Variants in ARL6 observed in about 807,000 individuals in gnomAD.
The protein encoded by ARL6 is ADP-ribosylation factor-like protein 6.
Under a neutral mutation model 27.1 loss-of-function variants are expected in ARL6, and 18 were observed. The observed-to-expected ratio is 0.66, with a 90% CI of 0.46 to 0.98. The LOEUF (loss-of-function observed/expected upper bound fraction) is 0.98, where lower values mean the gene tolerates loss of function less well. ARL6 is among the 50% of genes least tolerant of loss of function. ARL6 has a pLI of 0.00. For missense variants in ARL6, 187 were observed against 214.9 expected (o/e 0.87, Z 0.81); for synonymous variants, 65 against 72.3 (o/e 0.90, Z 0.51).
At chr3:97,791,005 C>T (rs1217654013) in intron 6 of ARL6, among the ~76,000 whole-genome samples, 2 of 152,018 alleles carry the variant, frequency 1.3e-5, no homozygotes, top group Non-Finnish European at 2.9e-5. Flanking sequence ...TTATCTGATC[C>T]TCTAAAAATC....
intron 5 of ARL6, among the ~76,000 whole-genome samples, chr3:97,785,723 C>A (rs552978396): frequency 9.6e-4 from 146 of 152,148 alleles, no homozygotes; most frequent in African/African-American, 3.3e-3. Context: ...TTTATTTAAT[C>A]ATTCACCTGT....
chr3:97,786,626 G>T (rs1403786434), intron 5 of ARL6, among the ~76,000 whole-genome samples: 1 of 152,024 alleles, frequency 6.6e-6, no homozygotes, highest in Non-Finnish European at 1.5e-5. Context: ...AAAAATTGAT[G>T]GCCATAAAAA....
chr3:97,787,212 A>T (rs1309826228), intron 5 of ARL6, among the ~76,000 whole-genome samples: 2 of 152,162 alleles, frequency 1.3e-5, no homozygotes, highest in East Asian at 3.8e-4. Context: ...AATATTCCAG[A>T]ACGGTTAAAA....
At chr3:97,786,722 G>C (rs1031326110) in intron 5 of ARL6, among the ~76,000 whole-genome samples, 24 of 152,034 alleles carry the variant, frequency 1.6e-4, no homozygotes, top group African/African-American at 5.6e-4. Flanking sequence ...ATAGCTACAG[G>C]GATATTTCTA....
In ARL6 at chr3:97,780,642, A is replaced by G; in HGVS notation, c.213A>G (p.Ser71=). ...SSLSFTVFDM[S]GQGRYRNLWE... is the part of the protein sequence containing the mutation. The stretch of plus-strand genomic sequence containing the variant: ...TGTCATTTACAGTGTTTGACATGTC[A>G]GGTCAAGGAAGATACAGAAATCTCT... The change falls in exon 4 of 8, where the codon TCA becomes TCG. Residue 71 remains serine (S), a synonymous_variant. Coordinates refer to ENST00000463745, the MANE Select transcript of ARL6 (RefSeq NM_001278293.3). 6.2e-7 allele frequency: 1 copy of G among 1,613,388 alleles called. No homozygotes were observed. The highest frequency in any genetic ancestry group is 8.5e-7 in the Non-Finnish European group (1 of 1,179,508).
intron 5 of ARL6, among the ~76,000 whole-genome samples, chr3:97,786,480 A>G (rs1428152175): frequency 6.6e-6 from 1 of 152,212 alleles, no homozygotes; most frequent in Non-Finnish European, 1.5e-5. Flanking sequence ...CCTATAAAAT[A>G]TACTTCAAAC....
At position 97,771,207 on chromosome 3, in the gene ARL6, T is replaced by G. The variant is rs553983197; in HGVS notation, c.123+2977T>G. On this transcript the variant is annotated intron_variant, in intron 2 of 7. Coordinates refer to ENST00000463745, the MANE Select transcript of ARL6 (RefSeq NM_001278293.3). The stretch of plus-strand genomic sequence containing the variant: ...CTCTTCAATTTCTTTTATCAATATT[T>G]TATAGTTTTAATTGTAGAGATCTTT... 2.6e-5 allele frequency among the ~76,000 whole-genome samples: 4 copies of G among 152,154 alleles called. No individual in the cohort carries two copies. The East Asian group carries it at 7.7e-4, about 29-fold the overall frequency.
chr3:97,764,869 G>A lies in ARL6; in HGVS notation c.-136G>A, dbSNP rs2036289276. 6.6e-6 allele frequency: 1 copy of A among 152,286 alleles called. No homozygotes were observed. Among genetic ancestry groups the A allele is most frequent in the South Asian group, 2.1e-4 (1 of 4,836 alleles). 9.4% of individuals were successfully genotyped at this position (152,286 alleles called of 1,614,324 possible). On this transcript the variant is annotated 5_prime_UTR_variant, in exon 1 of 8. Coordinates refer to ENST00000463745, the MANE Select transcript of ARL6 (RefSeq NM_001278293.3). ...GGCATCCTTCCCATGTAGGCATCGA[G>A]AAGAAGGCTGAGGGACCCTCGCACC...
chr3:97,769,341 C>G (rs368638945), intron 2 of ARL6, among the ~76,000 whole-genome samples: 77 of 151,960 alleles, frequency 5.1e-4, no homozygotes, highest in African/African-American at 1.8e-3. Flanking sequence ...GAGATAGACT[C>G]TATATACCTT....
intron 7 of ARL6, among the ~76,000 whole-genome samples, chr3:97,794,523 A>T (rs372271638): frequency 1.3e-5 from 2 of 152,002 alleles, no homozygotes; most frequent in African/African-American, 4.8e-5. Context: ...CACTTTGGTT[A>T]TATTTTCTGT....
chr3:97,774,282 G>A (rs1245140506), intron 2 of ARL6, among the ~76,000 whole-genome samples: 3 of 152,058 alleles, frequency 2.0e-5, no homozygotes, highest in African/African-American at 7.2e-5. Flanking sequence ...TTACCTCTGG[G>A]GCCCCCCCAG....
At chr3:97,789,490 A>G (rs886980108) in intron 6 of ARL6, among the ~76,000 whole-genome samples, 1 of 152,202 alleles carries the variant, frequency 6.6e-6, no homozygotes, top group African/African-American at 2.4e-5. Flanking sequence ...ATAATTAACC[A>G]TTACATTTTA....
At chr3:97,770,644 T>A (rs1393781041) in intron 2 of ARL6, among the ~76,000 whole-genome samples, 2 of 152,108 alleles carry the variant, frequency 1.3e-5, no homozygotes, top group African/African-American at 4.8e-5. Context: ...TTTCTCCTAG[T>A]ACTTTGATAG....
chr3:97,780,000 TCA>T (rs1236878424), intron 2 of ARL6, among the ~76,000 whole-genome samples, 157 bp from the exon 3 acceptor site: 1 of 152,222 alleles, frequency 6.6e-6, no homozygotes, highest in African/African-American at 2.4e-5. Flanking sequence ...TATAAAGAAT[TCA>T]CACAGAGTGA....
intron 6 of ARL6, chr3:97,791,361 T>G (rs1291241701): frequency 6.2e-6 from 1 of 161,338 alleles, no homozygotes; most frequent in African/African-American, 2.4e-5. Flanking sequence ...GATATCAAAT[T>G]CCATTTCAAA....
intron 2 of ARL6, among the ~76,000 whole-genome samples, chr3:97,774,541 G>A (rs1163805902): frequency 6.6e-6 from 1 of 152,116 alleles, no homozygotes; most frequent in Admixed American, 6.5e-5. Context: ...TGGGGAAGCT[G>A]TTTCTTCTGG....
chr3:97,795,898 ACT>A (rs1334561100), intron 7 of ARL6, among the ~76,000 whole-genome samples: 2 of 152,132 alleles, frequency 1.3e-5, no homozygotes, highest in African/African-American at 2.4e-5. Context: ...GAATATTATA[ACT>A]CTCTTCTACT....
chr3:97,796,061 C>A (rs1460491691), intron 7 of ARL6, among the ~76,000 whole-genome samples: 2 of 152,082 alleles, frequency 1.3e-5, no homozygotes, highest in East Asian at 1.9e-4. Context: ...AAAAGGAAGA[C>A]CATATTTGAC....
At chr3:97,775,853 CAT>C (rs1431551464) in intron 2 of ARL6, among the ~76,000 whole-genome samples, 1 of 152,162 alleles carries the variant, frequency 6.6e-6, no homozygotes, top group Non-Finnish European at 1.5e-5. Context: ...TGTTGCCTAA[CAT>C]GATCTATTTT....
Sources: allele counts gnomAD v4.1 joint callset (sites outside exome capture counted in the v4.1 genomes callset), GRCh38; gene constraint gnomAD v4.1.1; transcripts MANE v1.5; gene names NCBI Gene and HGNC (gene_info 2026-07-23, HGNC 2026-07-21).